RNF168: variants seen among roughly 807,000 people sequenced by gnomAD.
The protein encoded by RNF168 is E3 ubiquitin-protein ligase RNF168.
In RNF168, 34 loss-of-function variants were observed where a neutral mutation model predicts 34.9. That is an observed-to-expected ratio of 0.97 (90% CI 0.74 to 1.30). RNF168 has a LOEUF of 1.30. Ranked by LOEUF, RNF168 falls within the 50% of genes most tolerant of loss-of-function variation. RNF168 has a pLI of 0.00. For synonymous variants in RNF168, 264 were observed against 254.7 expected (o/e 1.04, Z -0.35); for missense variants, 725 against 682.5 (o/e 1.06, Z -0.69).
intron 4 of RNF168, among the ~76,000 whole-genome samples, chr3:196,481,530 A>G (rs1050079067): frequency 2.0e-5 from 3 of 152,102 alleles, no homozygotes; most frequent in African/African-American, 7.2e-5. Context: ...ACAGGTTAAG[A>G]AAGTTTCTTT....
chr3:196,479,708 A>G (rs1256362148), intron 4 of RNF168, among the ~76,000 whole-genome samples: 1 of 151,640 alleles, frequency 6.6e-6, no homozygotes, highest in East Asian at 1.9e-4. Context: ...CTCCTGGCTC[A>G]GCCTCCCCAG....
At chr3:196,474,550 C>T (rs550734766) in intron 5 of RNF168, among the ~76,000 whole-genome samples, 2 of 151,738 alleles carry the variant, frequency 1.3e-5, no homozygotes, top group East Asian at 3.9e-4. Context: ...CGGGTTCAAG[C>T]AATTCTCCTG....
chr3:196,473,821 A>G (rs540986723), intron 5 of RNF168, among the ~76,000 whole-genome samples: 7 of 97,234 alleles, frequency 7.2e-5, no homozygotes, highest in African/African-American at 3.3e-4. Context: ...AAAATAAACA[A>G]AACAAAACAA....
At chr3:196,490,830 G>A (rs1167051508) in intron 1 of RNF168, among the ~76,000 whole-genome samples, 2 of 152,136 alleles carry the variant, frequency 1.3e-5, no homozygotes, top group South Asian at 2.1e-4. Flanking sequence ...TCACTAAGGA[G>A]GATCTATTCA....
At chr3:196,476,896 C>A (rs946529085) in intron 4 of RNF168, among the ~76,000 whole-genome samples, 1 of 151,336 alleles carries the variant, frequency 6.6e-6, no homozygotes, top group African/African-American at 2.4e-5. Flanking sequence ...TACAGGCACA[C>A]GCCACCATGC....
intron 1 of RNF168, among the ~76,000 whole-genome samples, chr3:196,496,638 G>C (rs1732749477): frequency 1.3e-5 from 2 of 152,184 alleles, no homozygotes; most frequent in Admixed American, 1.3e-4. Flanking sequence ...TCCCCAAATT[G>C]TTCTATTAAG....
chr3:196,474,511 G>A (rs1040826166), intron 5 of RNF168, among the ~76,000 whole-genome samples: 7 of 136,392 alleles, frequency 5.1e-5, no homozygotes, highest in Admixed American at 3.0e-4. Context: ...GCAACGGCAC[G>A]ATCTCAGCTC....
At chr3:196,494,893 T>C (rs1385524057) in intron 1 of RNF168, among the ~76,000 whole-genome samples, 1 of 152,056 alleles carries the variant, frequency 6.6e-6, no homozygotes, top group Non-Finnish European at 1.5e-5. Context: ...CGTAGTGGTG[T>C]GTGCCTGTGG....
intron 3 of RNF168, 44 bp downstream of exon 3, chr3:196,487,355 T>A (rs1401915099): frequency 6.6e-7 from 1 of 1,511,302 alleles, no homozygotes; most frequent in Admixed American, 1.7e-5. Flanking sequence ...CAGCAGCGCA[T>A]ACCAAGGGAT....
intron 3 of RNF168, among the ~76,000 whole-genome samples, chr3:196,486,916 C>A (rs955226918): frequency 1.3e-5 from 2 of 152,126 alleles, no homozygotes; most frequent in South Asian, 2.1e-4. Flanking sequence ...AAAAAAGTAG[C>A]CAGGCATGGT....
At chr3:196,475,448 C>T in intron 4 of RNF168, 136 bp from the exon 5 acceptor site, 1 of 680,278 alleles carries the variant, frequency 1.5e-6, no homozygotes, top group South Asian at 1.6e-5. Context: ...CATTTCCGTG[C>T]TTCAGATATT....
chr3:196,499,500 G>A (rs1263431165), intron 1 of RNF168, among the ~76,000 whole-genome samples: 4 of 151,748 alleles, frequency 2.6e-5, no homozygotes, highest in Non-Finnish European at 5.9e-5. Context: ...TGAAGTTCCA[G>A]AACAGAAAAA....
chr3:196,488,532 A>G (rs1183819227), intron 2 of RNF168, 75 bp downstream of exon 2: 3 of 935,912 alleles, frequency 3.2e-6, no homozygotes, highest in East Asian at 5.0e-5. Flanking sequence ...TATAAGCACA[A>G]AAAACTAAAT....
chr3:196,496,210 T>C (rs1334104724), intron 1 of RNF168, among the ~76,000 whole-genome samples: 1 of 152,172 alleles, frequency 6.6e-6, no homozygotes, highest in Non-Finnish European at 1.5e-5. Context: ...TACCACAAAT[T>C]GCGTGACTTG....
At chr3:196,478,465 CTGTT>C (rs1319801246) in intron 4 of RNF168, among the ~76,000 whole-genome samples, 1 of 152,188 alleles carries the variant, frequency 6.6e-6, no homozygotes, top group African/African-American at 2.4e-5. Context: ...CCTTTTCTGT[CTGTT>C]AATCTTCTTC....
chr3:196,472,753 C>T lies in RNF168; in HGVS notation c.782G>A (p.Arg261Lys), dbSNP rs749058026. 3.7e-6 allele frequency: 6 copies of T among 1,608,160 alleles called. No homozygotes were observed. In the South Asian group the frequency reaches 6.6e-5, roughly 18 times the overall value. Reference sequence around the variant, plus strand: ...TGTGTCTTGCCCTGTTGGGCTTTTCCTATCACTACTGTCAATGTCCTGTAG... The same window carrying T: ...TGTGTCTTGCCCTGTTGGGCTTTTCTTATCACTACTGTCAATGTCCTGTAG... ...SVSKDIDSSDRKSPTGQDTEI... is the reference protein window; with the variant it reads ...SVSKDIDSSDKKSPTGQDTEI... The change falls in exon 6 of 6, where the codon AGG (arginine) becomes AAG (lysine). Residue 261 changes from arginine to lysine, a missense_variant. Coordinates refer to ENST00000318037, the MANE Select transcript of RNF168 (RefSeq NM_152617.4).
At chr3:196,492,373 C>T (rs1732617093) in intron 1 of RNF168, among the ~76,000 whole-genome samples, 1 of 151,906 alleles carries the variant, frequency 6.6e-6, no homozygotes, top group Non-Finnish European at 1.5e-5. Flanking sequence ...TTTAGGAAAA[C>T]AATAATAAGA....
chr3:196,496,398 C>T (rs1285618525), intron 1 of RNF168, among the ~76,000 whole-genome samples: 1 of 152,106 alleles, frequency 6.6e-6, no homozygotes, highest in Non-Finnish European at 1.5e-5. Flanking sequence ...TCCAGTCCTC[C>T]AGCCTCACGT....
intron 4 of RNF168, 82 bp downstream of exon 4, chr3:196,483,688 G>C (rs1702931089): frequency 2.5e-6 from 3 of 1,201,988 alleles, no homozygotes; most frequent in Non-Finnish European, 3.7e-6. Flanking sequence ...CAAACTTTGA[G>C]AATCAGTAGT....
Sources: allele counts gnomAD v4.1 joint callset (sites outside exome capture counted in the v4.1 genomes callset), GRCh38; gene constraint gnomAD v4.1.1; transcripts MANE v1.5; gene names NCBI Gene and HGNC (gene_info 2026-07-23, HGNC 2026-07-21).